Variants in SMAD4 observed in about 807,000 individuals in gnomAD.
SMAD4 encodes SMAD family member 4.
Under a neutral mutation model 63.2 loss-of-function variants are expected in SMAD4, and 7 were observed. That is an observed-to-expected ratio of 0.11 (90% CI 0.06 to 0.21). The LOEUF is 0.21. Ranked by LOEUF, SMAD4 falls within the 10% of genes least tolerant of loss-of-function variation. The pLI is 1.00. For synonymous variants in SMAD4, 215 were observed against 235.4 expected, an observed-to-expected ratio of 0.91 and a Z score of 0.79; for missense variants, 312 against 693.8, an observed-to-expected ratio of 0.45 and a Z score of 6.18.
intron 1 of SMAD4, among the ~76,000 whole-genome samples, chr18:51,032,720 T>C (rs533581309): frequency 6.6e-6 from 1 of 152,210 alleles, no homozygotes; most frequent in South Asian, 2.1e-4. Flanking sequence ...GTAACATCAT[T>C]AGACACTATT....
intron 1 of SMAD4, 36 bp from the exon 2 acceptor site, chr18:51,046,884 G>A (rs776946182): frequency 1.6e-5 from 10 of 636,840 alleles, no homozygotes; most frequent in Non-Finnish European, 2.4e-5. Flanking sequence ...CGTAAAATGT[G>A]TTCTGATGTG....
intron 8 of SMAD4, among the ~76,000 whole-genome samples, chr18:51,061,440 A>G (rs191208154): frequency 6.6e-6 from 1 of 152,316 alleles, no homozygotes; most frequent in African/African-American, 2.4e-5. Flanking sequence ...TCCCACAGAT[A>G]AGAACATGTG....
Position 51,083,883 on chromosome 18 carries a change from A to T in SMAD4, c.*5416A>T, listed in dbSNP as rs900014904. 8.6e-6 allele frequency: 2 copies of T among 231,310 alleles called. No homozygotes were observed. The highest frequency in any genetic ancestry group is 5.6e-5 in the Admixed American group (1 of 17,712). 14.3% of individuals were successfully genotyped at this position (231,310 alleles called of 1,614,324 possible). On this transcript the variant is annotated 3_prime_UTR_variant, in exon 12 of 12. Transcript: ENST00000342988. Reference sequence around the variant, plus strand: ...TGTTATTCAAAGGAGACTAGGCTTGATATTTTATTACTGTTCTTTTATGGA... The same window carrying T: ...TGTTATTCAAAGGAGACTAGGCTTGTTATTTTATTACTGTTCTTTTATGGA...
At chr18:51,052,606 T>TA in intron 4 of SMAD4, 1 of 289,238 alleles carries the variant, frequency 3.5e-6, no homozygotes, top group Non-Finnish European at 6.9e-6. Context: ...ATATACTATA[T>TA]GTTTTTTTAA....
intron 5 of SMAD4, among the ~76,000 whole-genome samples, chr18:51,055,754 T>C (rs1909828346): frequency 6.6e-6 from 1 of 152,014 alleles, no homozygotes; most frequent in South Asian, 2.1e-4. Context: ...GGCATGTGTA[T>C]GGTGTTAGTT....
Position 51,062,640 on chromosome 18 carries a change from A to C in SMAD4, c.955+2724A>C, listed in dbSNP as rs374327220. Reference sequence around the variant, plus strand: ...CAGCCTCCCGAGTAGCTGGGATTATAGGCACCCGCCACCATGCCTGGCTAA... The same window carrying C: ...CAGCCTCCCGAGTAGCTGGGATTATCGGCACCCGCCACCATGCCTGGCTAA... On this transcript the variant is annotated intron_variant, in intron 8 of 11. Transcript: ENST00000342988. Among the ~76,000 whole-genome samples the C allele has an allele frequency of 6.6e-5, 10 of 151,828 alleles. No individual in the cohort carries two copies. In the South Asian group the frequency reaches 2.1e-3, roughly 32 times the overall value.
intron 1 of SMAD4, 22 bp downstream of exon 1, chr18:51,030,645 C>T (rs1909014335): frequency 6.7e-6 from 1 of 149,700 alleles, no homozygotes; most frequent in African/African-American, 2.4e-5. Context: ...ATGTCCCCTC[C>T]CCTTCCCCCG....
At chr18:51,044,640 G>T (rs1280687634) in intron 1 of SMAD4, among the ~76,000 whole-genome samples, 2 of 152,172 alleles carry the variant, frequency 1.3e-5, no homozygotes, top group Non-Finnish European at 2.9e-5. Context: ...CGATCCACCT[G>T]CGTCGGCCTC....
At chr18:51,074,756 T>C (rs1315813819) in intron 10 of SMAD4, among the ~76,000 whole-genome samples, 1 of 152,246 alleles carries the variant, frequency 6.6e-6, no homozygotes, top group Non-Finnish European at 1.5e-5. Context: ...TACTGGGTAA[T>C]GCCTTCCAAA....
At position 51,053,774 on chromosome 18, in the gene SMAD4, A is replaced by G. The variant is rs1909770438; in HGVS notation, c.455-1007A>G. 2 of 152,140 alleles carry G rather than the reference A, an allele frequency of 1.3e-5. 1 individual carries two copies. The highest frequency in any genetic ancestry group is 4.1e-4 in the South Asian group (2 of 4,832). The allele number at this position is 152,140 out of a possible 1,614,324, so 9.4% of individuals were successfully genotyped here. ...TAAGGGAAATGATATGCTGGTTCTT[A>G]ATGAAAAAGGGAATGTCTTTTTGTG... On this transcript the variant is annotated intron_variant, in intron 4 of 11. Transcript: ENST00000342988.
At position 51,058,225 on chromosome 18, in the gene SMAD4, G is replaced by A. The variant is rs755677513; in HGVS notation, c.768G>A (p.Gln256=). The change falls in exon 6 of 12, where the codon CAG becomes CAA. Residue 256 remains glutamine (Q), a synonymous_variant. Coordinates refer to ENST00000342988, the MANE Select transcript of SMAD4 (RefSeq NM_005359.6). The part of the protein sequence containing the change: ...PGQQQNGFTG[Q]PATYHHNSTT... ...AGCAGCAGAATGGATTTACTGGTCA[G>A]CCAGCTACTTACCATCATAGTATGT... 1.1e-5 allele frequency: 18 copies of A among 1,614,060 alleles called. No homozygotes were observed. In the Middle Eastern group the frequency reaches 9.9e-4, roughly 88 times the overall value.
intron 1 of SMAD4, among the ~76,000 whole-genome samples, chr18:51,038,253 G>A (rs1000404705): frequency 2.1e-5 from 3 of 144,276 alleles, no homozygotes; most frequent in Non-Finnish European, 3.0e-5. Flanking sequence ...CGAGACTGTG[G>A]GGGGGGGGGC....
chr18:51,051,453 T>A (rs1461698635), intron 4 of SMAD4: 1 of 451,560 alleles, frequency 2.2e-6, no homozygotes, highest in African/African-American at 2.0e-5. Context: ...GTTCCTTCAT[T>A]TTTGAGTTAA....
chr18:51,059,809 T>C (rs1909956857), intron 7 of SMAD4, 57 bp from the exon 8 acceptor site: 2 of 1,280,628 alleles, frequency 1.6e-6, no homozygotes, highest in Non-Finnish European at 2.3e-6. Context: ...ACTGAAAGTT[T>C]TAGCATTAGA....
At chr18:51,062,851 GT>G (rs71171374) in intron 8 of SMAD4, among the ~76,000 whole-genome samples, 937 of 65,368 alleles carry the variant, frequency 0.014, no homozygotes, top group Non-Finnish European at 0.02. Flanking sequence ...GGCTTTACTT[GT>G]TTTTTTTTTT....
At chr18:51,038,255 G>GT (rs1205300349) in intron 1 of SMAD4, among the ~76,000 whole-genome samples, 1 of 150,578 alleles carries the variant, frequency 6.6e-6, no homozygotes. Context: ...AGACTGTGGG[G>GT]GGGGGGGCAG....
At chr18:51,041,869 T>A (rs543347660) in intron 1 of SMAD4, among the ~76,000 whole-genome samples, 2 of 152,362 alleles carry the variant, frequency 1.3e-5, no homozygotes, top group East Asian at 3.9e-4. Context: ...TGGTTGTCAC[T>A]GCAGCATAGA....
intron 1 of SMAD4, among the ~76,000 whole-genome samples, chr18:51,042,287 G>GCCTGCCTC (rs1568201587): frequency 8.1e-5 from 11 of 135,322 alleles, no homozygotes; most frequent in African/African-American, 3.3e-4. Flanking sequence ...TTGCCTGCCT[G>GCCTGCCTC]CCTCCCTCCC....
chr18:51,066,369 A>G (rs1910152816), intron 9 of SMAD4, among the ~76,000 whole-genome samples: 1 of 151,810 alleles, frequency 6.6e-6, no homozygotes, highest in South Asian at 2.1e-4. Flanking sequence ...AAAAGTTTAT[A>G]TAATGAAATG....
Sources: gnomAD v4.1 joint callset for allele counts (sites outside exome capture counted in the v4.1 genomes callset) on GRCh38, gnomAD v4.1.1 for gene constraint, MANE v1.5 for transcripts, NCBI Gene and HGNC (gene_info 2026-07-23, HGNC 2026-07-21) for gene names.